PTPRD: variants seen among roughly 807,000 people sequenced by gnomAD.
PTPRD encodes protein tyrosine phosphatase receptor type D.
Under a neutral mutation model 214.5 loss-of-function variants are expected in PTPRD, and 34 were observed. The ratio of observed to expected loss-of-function variants is 0.16; its 90% CI spans 0.12 to 0.21. The LOEUF (loss-of-function observed/expected upper bound fraction) is 0.21, where lower values mean the gene tolerates loss of function less well. Ranked by LOEUF, PTPRD falls within the 10% of genes least tolerant of loss-of-function variation. The probability of loss-of-function intolerance (pLI) is 1.00; values close to 1 mark genes in which losing one functional copy is unlikely to be tolerated. For missense variants in PTPRD, 2,545 were observed against 2,398.7 expected, an observed-to-expected ratio of 1.06 and a Z score of -1.27; for synonymous variants, 1,128 against 845.7, an observed-to-expected ratio of 1.33 and a Z score of -5.79.
intron 7 of PTPRD, among the ~76,000 whole-genome samples, chr9:9,602,786 G>C (rs964793400): frequency 9.9e-5 from 15 of 151,864 alleles, no homozygotes; most frequent in Admixed American, 2.0e-4. Context: ...CTTTCCTCCT[G>C]GTCTTCTTCT....
intron 3 of PTPRD, among the ~76,000 whole-genome samples, chr9:10,323,425 G>A (rs2096590738): frequency 6.6e-6 from 1 of 150,760 alleles, no homozygotes; most frequent in South Asian, 2.1e-4. Context: ...CATCCAAGTA[G>A]CTTGGACTGC....
At chr9:8,408,808 ACAACAGATCTT>A (rs1446185354) in intron 35 of PTPRD, among the ~76,000 whole-genome samples, 1 of 152,174 alleles carries the variant, frequency 6.6e-6, no homozygotes, top group Middle Eastern at 3.2e-3. Context: ...TCTAACGCTA[ACAACAGATCTT>A]CAACTCAAAG....
intron 3 of PTPRD, among the ~76,000 whole-genome samples, chr9:10,204,550 C>A (rs570120603): frequency 8.6e-5 from 13 of 151,928 alleles, no homozygotes; most frequent in African/African-American, 3.1e-4. Flanking sequence ...AGTTTGGGTA[C>A]AATAAATACA....
chr9:8,331,243 T>C (rs2131597749), intron 44 of PTPRD, among the ~76,000 whole-genome samples: 1 of 151,374 alleles, frequency 6.6e-6, no homozygotes, highest in African/African-American at 2.5e-5. Context: ...TATCAGTGCA[T>C]TGCTATGAAA....
intron 27 of PTPRD, among the ~76,000 whole-genome samples, chr9:8,487,674 G>C (rs544461259): frequency 4.6e-5 from 7 of 152,304 alleles, no homozygotes; most frequent in African/African-American, 1.7e-4. Flanking sequence ...GCCAGGTGTG[G>C]TGGTGCATGC....
intron 3 of PTPRD, among the ~76,000 whole-genome samples, chr9:10,057,362 G>A (rs1406175923): frequency 2.6e-5 from 4 of 152,114 alleles, no homozygotes; most frequent in Non-Finnish European, 5.9e-5. Context: ...AAGATGTTGA[G>A]GAGGTGAAAA....
intron 10 of PTPRD, among the ~76,000 whole-genome samples, chr9:9,037,728 T>C (rs535198541): frequency 6.6e-6 from 1 of 152,210 alleles, no homozygotes; most frequent in South Asian, 2.1e-4. Context: ...CACAGGGAAA[T>C]CCACAGATCA....
chr9:9,630,607 T>C (rs1325001462), intron 7 of PTPRD, among the ~76,000 whole-genome samples: 2 of 152,192 alleles, frequency 1.3e-5, no homozygotes, highest in East Asian at 1.9e-4. Flanking sequence ...TAAAATGCCA[T>C]TTAAAAGAGC....
intron 39 of PTPRD, among the ~76,000 whole-genome samples, chr9:8,348,054 G>T (rs530860036): frequency 6.6e-6 from 1 of 152,218 alleles, no homozygotes; most frequent in South Asian, 2.1e-4. Context: ...CTAAAAAAAA[G>T]TGCTAGAATA....
chr9:8,773,469 G>A (rs1401934353), intron 11 of PTPRD, among the ~76,000 whole-genome samples: 1 of 152,170 alleles, frequency 6.6e-6, no homozygotes, highest in Non-Finnish European at 1.5e-5. Context: ...AGAGGGCACT[G>A]TACTTCAGGA....
intron 9 of PTPRD, among the ~76,000 whole-genome samples, chr9:9,256,929 T>C (rs961263408): frequency 3.3e-5 from 5 of 152,034 alleles, no homozygotes; most frequent in Non-Finnish European, 7.4e-5. Flanking sequence ...GTTGTTTTTA[T>C]GCACCATCCC....
intron 34 of PTPRD, among the ~76,000 whole-genome samples, chr9:8,439,681 G>A (rs895600480): frequency 1.3e-5 from 2 of 151,998 alleles, no homozygotes; most frequent in Non-Finnish European, 2.9e-5. Flanking sequence ...CAATGACCAA[G>A]GATCTACTTC....
chr9:10,337,739 C>G (rs2096868305), intron 3 of PTPRD, among the ~76,000 whole-genome samples: 1 of 151,624 alleles, frequency 6.6e-6, no homozygotes, highest in African/African-American at 2.4e-5. Context: ...TAGAGCCAGT[C>G]TATGAGGTAG....
chr9:10,148,801 G>C (rs936708507), intron 3 of PTPRD, among the ~76,000 whole-genome samples: 1 of 152,072 alleles, frequency 6.6e-6, no homozygotes, highest in African/African-American at 2.4e-5. Context: ...ATACTTTAAA[G>C]CTCCCCAAGT....
intron 9 of PTPRD, among the ~76,000 whole-genome samples, chr9:9,284,816 T>A (rs1388980482): frequency 6.6e-6 from 1 of 151,768 alleles, no homozygotes; most frequent in Non-Finnish European, 1.5e-5. Context: ...TTCCCAGCTT[T>A]TATTTCATTT....
At chr9:9,301,991 G>C (rs2134832812) in intron 9 of PTPRD, among the ~76,000 whole-genome samples, 1 of 152,028 alleles carries the variant, frequency 6.6e-6, no homozygotes, top group South Asian at 2.1e-4. Context: ...TCAAGTTACT[G>C]ATCAGCCTGC....
At chr9:10,240,499 A>G (rs1174682178) in intron 3 of PTPRD, among the ~76,000 whole-genome samples, 1 of 151,972 alleles carries the variant, frequency 6.6e-6, no homozygotes, top group Non-Finnish European at 1.5e-5. Context: ...CATTTATACT[A>G]TGATGTAAAG....
rs113468154 is a variant in PTPRD, at chr9:9,918,654, A to C, written c.-368+19853T>G. Among the ~76,000 whole-genome samples, 122 of 152,280 alleles carry C rather than the reference A, an allele frequency of 8.0e-4. 1 individual carries two copies. The highest frequency in any genetic ancestry group is 2.6e-3 in the African/African-American group (106 of 41,568). ...GTGACGCTACCAGACTTCAAAATAC[A>C]CTACAAAGCTGTAGTAACTGTAAAA... On this transcript the variant is annotated intron_variant, in intron 5 of 45. Coordinates refer to ENST00000381196, the MANE Select transcript of PTPRD (RefSeq NM_002839.4).
At chr9:8,594,138 G>C (rs1327589766) in intron 14 of PTPRD, among the ~76,000 whole-genome samples, 2 of 152,060 alleles carry the variant, frequency 1.3e-5, no homozygotes, top group Non-Finnish European at 2.9e-5. Context: ...GGATTGGTTT[G>C]ACATGTGAAA....
Sources: gnomAD v4.1 joint callset for allele counts (sites outside exome capture counted in the v4.1 genomes callset) on GRCh38, gnomAD v4.1.1 for gene constraint, MANE v1.5 for transcripts, NCBI Gene and HGNC (gene_info 2026-07-23, HGNC 2026-07-21) for gene names.